The following NCR1 variants were observed in gnomAD, a reference collection of about 807,000 sequenced individuals.
NCR1 encodes the protein natural cytotoxicity triggering receptor 1.
NCR1 carries 30 observed loss-of-function variants against 32.5 expected under a neutral mutation model. The observed-to-expected ratio is 0.92, with a 90% CI of 0.69 to 1.25. The LOEUF is 1.25. Among genes scored for constraint, NCR1 ranks in the 50% most tolerant of loss-of-function variants. The probability of loss-of-function intolerance (pLI) is 0.00; values close to 1 mark genes in which losing one functional copy is unlikely to be tolerated. For synonymous variants in NCR1, 169 were observed against 143.4 expected (o/e 1.18, Z -1.28); for missense variants, 369 against 380.7 (o/e 0.97, Z 0.26).
chr19:54,919,970 T>C (rs2068216377), downstream of NCR1, among the ~76,000 whole-genome samples: 1 of 152,348 alleles, frequency 6.6e-6, no homozygotes, highest in East Asian at 1.9e-4. Context: ...TCCTAGGCTA[T>C]GATTATAGAG....
At chr19:54,933,632 T>TC in the NCR1 span, 1 of 1,614,172 alleles carries the variant, frequency 6.2e-7, no homozygotes, top group Non-Finnish European at 8.5e-7. Flanking sequence ...CACCCCTGTA[T>TC]CCCCAATGGG....
the NCR1 span, among the ~76,000 whole-genome samples, chr19:54,898,376 AC>A: frequency 1.9e-4 from 29 of 151,592 alleles, no homozygotes; most frequent in Non-Finnish European, 3.4e-4. Flanking sequence ...TTCTGGAGGA[AC>A]CCCTGGCAGC....
chr19:54,899,862 G>T, the NCR1 span, among the ~76,000 whole-genome samples: 1 of 152,156 alleles, frequency 6.6e-6, no homozygotes, highest in Non-Finnish European at 1.5e-5. Flanking sequence ...CTGCCTTCCC[G>T]AGTCCATGAC....
chr19:54,926,984 G>A, the NCR1 span, among the ~76,000 whole-genome samples: 4 of 151,594 alleles, frequency 2.6e-5, no homozygotes, highest in South Asian at 4.2e-4. Flanking sequence ...CAGCTACTCA[G>A]GAGGTTGAGG....
At chr19:54,936,334 C>T in the NCR1 span, 29 of 1,613,952 alleles carry the variant, frequency 1.8e-5, no homozygotes, top group Middle Eastern at 1.6e-4. Context: ...CGTTCCCACT[C>T]GATGTGCCCT....
At chr19:54,907,477 A>AG (rs2067694558) in intron 3 of NCR1, among the ~76,000 whole-genome samples, 1 of 108,258 alleles carries the variant, frequency 9.2e-6, no homozygotes, top group African/African-American at 3.4e-5. Context: ...AAAAAAAAAA[A>AG]AAATTAGCTT....
chr19:54,901,794 C>A (rs2067306998), upstream of NCR1, among the ~76,000 whole-genome samples: 1 of 151,976 alleles, frequency 6.6e-6, no homozygotes, highest in South Asian at 2.1e-4. Flanking sequence ...TTGACGAAAC[C>A]CCATCTCTAC....
the NCR1 span, among the ~76,000 whole-genome samples, chr19:54,923,217 G>C: frequency 6.6e-6 from 1 of 152,194 alleles, no homozygotes; most frequent in Non-Finnish European, 1.5e-5. Flanking sequence ...GCACAGCTGA[G>C]AGCTGATGAG....
chr19:54,905,605 C>T (rs115961739), upstream of NCR1, among the ~76,000 whole-genome samples: 8,527 of 152,116 alleles, frequency 0.056, 304 homozygotes, highest in Middle Eastern at 0.12. Context: ...ACCTTGCAGC[C>T]GCACGGCAAG....
chr19:54,915,320 G>A (rs550145189), downstream of NCR1, among the ~76,000 whole-genome samples: 3 of 152,126 alleles, frequency 2.0e-5, no homozygotes, highest in South Asian at 2.1e-4. Flanking sequence ...CACCACCATC[G>A]CTTTCCTCCC....
chr19:54,920,186 A>G (rs2068220527), downstream of NCR1, among the ~76,000 whole-genome samples: 1 of 152,116 alleles, frequency 6.6e-6, no homozygotes, highest in Non-Finnish European at 1.5e-5. Flanking sequence ...TTCAATGGGC[A>G]CTTCGGTTGG....
downstream of NCR1, among the ~76,000 whole-genome samples, chr19:54,919,365 A>G (rs1082839): frequency 0.049 from 7,486 of 151,930 alleles, 128 homozygotes; most frequent in African/African-American, 0.17. Flanking sequence ...GTCACCTCCA[A>G]TGATAGGTAA....
chr19:54,926,653 T>C, the NCR1 span, among the ~76,000 whole-genome samples: 1 of 151,926 alleles, frequency 6.6e-6, no homozygotes, highest in African/African-American at 2.4e-5. Flanking sequence ...CAGTGGCTCA[T>C]GCCTGTAATC....
chr19:54,933,471 G>A, the NCR1 span: 3 of 1,473,174 alleles, frequency 2.0e-6, no homozygotes, highest in African/African-American at 4.2e-5. Context: ...TTCTTACCAG[G>A]TTTTTAAAAG....
At chr19:54,899,647 G>A in the NCR1 span, among the ~76,000 whole-genome samples, 1 of 151,996 alleles carries the variant, frequency 6.6e-6, no homozygotes, top group Admixed American at 6.6e-5. Context: ...AAGGAGAAGG[G>A]GTTGGGGGGT....
downstream of NCR1, among the ~76,000 whole-genome samples, chr19:54,918,493 C>T (rs1011417999): frequency 6.6e-6 from 1 of 152,138 alleles, no homozygotes; most frequent in East Asian, 2.0e-4. Context: ...AGGATGGTCT[C>T]GAACTCCTGG....
downstream of NCR1, among the ~76,000 whole-genome samples, chr19:54,920,463 T>C (rs144585378): frequency 5.4e-4 from 82 of 152,224 alleles, no homozygotes; most frequent in Non-Finnish European, 1.1e-3. Context: ...ACACAGGGCT[T>C]TTCAGAGGTA....
chr19:54,931,815 A>G, the NCR1 span, among the ~76,000 whole-genome samples: 4 of 150,730 alleles, frequency 2.7e-5, no homozygotes, highest in Admixed American at 6.7e-5. Context: ...GCACCACTGC[A>G]CTCCAGCCTG....
chr19:54,929,755 T>C, the NCR1 span, among the ~76,000 whole-genome samples: 6 of 152,248 alleles, frequency 3.9e-5, no homozygotes, highest in South Asian at 1.2e-3. Flanking sequence ...CACCCACATA[T>C]ATTCAGTTTC....
Sources: gnomAD v4.1 joint callset for allele counts (sites outside exome capture counted in the v4.1 genomes callset) on GRCh38, gnomAD v4.1.1 for gene constraint, MANE v1.5 for transcripts, NCBI Gene and HGNC (gene_info 2026-07-23, HGNC 2026-07-21) for gene names.